SH3GL2: variants seen among roughly 807,000 people sequenced by gnomAD.
SH3GL2 encodes the protein endophilin-A1.
Under a neutral mutation model 46.0 loss-of-function variants are expected in SH3GL2, and 24 were observed. That is an observed-to-expected ratio of 0.52 (90% CI 0.38 to 0.73). The LOEUF is 0.73. SH3GL2 is among the 30% of genes least tolerant of loss of function. The pLI is 0.00. For synonymous variants in SH3GL2, 196 were observed against 147.1 expected, an observed-to-expected ratio of 1.33 and a Z score of -2.40; for missense variants, 413 against 424.2, an observed-to-expected ratio of 0.97 and a Z score of 0.23.
intron 1 of SH3GL2, among the ~76,000 whole-genome samples, chr9:17,632,753 T>C (rs1819460946): frequency 6.6e-6 from 1 of 152,192 alleles, no homozygotes; most frequent in South Asian, 2.1e-4. Context: ...CTTTTAGCTT[T>C]AGGGATGTTC....
intron 1 of SH3GL2, among the ~76,000 whole-genome samples, chr9:17,674,970 A>G (rs957043726): frequency 3.9e-5 from 6 of 152,196 alleles, no homozygotes; most frequent in Non-Finnish European, 7.3e-5. Flanking sequence ...TCATCTAGAT[A>G]GGAGGAGCCA....
At chr9:17,716,604 G>T (rs927086744) in intron 1 of SH3GL2, among the ~76,000 whole-genome samples, 5 of 152,128 alleles carry the variant, frequency 3.3e-5, no homozygotes, top group African/African-American at 1.2e-4. Flanking sequence ...TCTCAGTCTT[G>T]GTTAGTTTCC....
chr9:17,653,164 T>C (rs1819995051), intron 1 of SH3GL2, among the ~76,000 whole-genome samples: 1 of 152,196 alleles, frequency 6.6e-6, no homozygotes, highest in African/African-American at 2.4e-5. Flanking sequence ...ATTACTTTTC[T>C]ATCAGGCTTA....
At chr9:17,793,616 T>C in intron 8 of SH3GL2, 119 bp downstream of exon 8, 25 of 923,896 alleles carry the variant, frequency 2.7e-5, no homozygotes, top group Non-Finnish European at 3.7e-5. Context: ...AATACATTTC[T>C]TATGGAGTCA....
intron 1 of SH3GL2, among the ~76,000 whole-genome samples, chr9:17,697,951 G>C (rs969115370): frequency 6.6e-6 from 1 of 152,216 alleles, no homozygotes; most frequent in Non-Finnish European, 1.5e-5. Context: ...AATGGGCTAA[G>C]ATTTAGATGG....
chr9:17,663,090 C>G (rs1000457994), intron 1 of SH3GL2, among the ~76,000 whole-genome samples: 1 of 152,178 alleles, frequency 6.6e-6, no homozygotes, highest in South Asian at 2.1e-4. Context: ...TATCCTCAGG[C>G]TTTGGGTCTT....
intron 1 of SH3GL2, among the ~76,000 whole-genome samples, chr9:17,708,037 C>T (rs1457135897): frequency 6.6e-6 from 1 of 152,042 alleles, no homozygotes; most frequent in Non-Finnish European, 1.5e-5. Context: ...GATAATTCAG[C>T]AAGTCCTTAT....
intron 3 of SH3GL2, among the ~76,000 whole-genome samples, chr9:17,770,584 C>T (rs1274948564): frequency 6.6e-6 from 1 of 152,166 alleles, no homozygotes; most frequent in East Asian, 1.9e-4. Flanking sequence ...ACTCACCACT[C>T]CCTTGATAGT....
At chr9:17,690,780 A>G (rs1441775069) in intron 1 of SH3GL2, among the ~76,000 whole-genome samples, 1 of 152,034 alleles carries the variant, frequency 6.6e-6, no homozygotes, top group East Asian at 2.0e-4. Context: ...AGGCTGAAGA[A>G]CTCATAGTGG....
chr9:17,629,365 G>T (rs1209565284), intron 1 of SH3GL2, among the ~76,000 whole-genome samples: 1 of 152,186 alleles, frequency 6.6e-6, no homozygotes, highest in African/African-American at 2.4e-5. Context: ...TGCAGCTTGG[G>T]TGGATCCACC....
At chr9:17,750,877 A>T (rs893174182) in intron 2 of SH3GL2, among the ~76,000 whole-genome samples, 3 of 152,190 alleles carry the variant, frequency 2.0e-5, no homozygotes, top group South Asian at 2.1e-4. Context: ...TTTGATTTTT[A>T]AAAAATTGTA....
chr9:17,668,081 G>A (rs995138888), intron 1 of SH3GL2, among the ~76,000 whole-genome samples: 1 of 152,080 alleles, frequency 6.6e-6, no homozygotes. Flanking sequence ...CCCATTCTAT[G>A]GGTTGTCTTT....
chr9:17,757,133 A>G (rs1028206804), intron 2 of SH3GL2, among the ~76,000 whole-genome samples: 5 of 152,174 alleles, frequency 3.3e-5, no homozygotes, highest in African/African-American at 1.2e-4. Context: ...TCTTTTGAGA[A>G]GTGTCTGTTC....
intron 2 of SH3GL2, among the ~76,000 whole-genome samples, chr9:17,757,885 T>G (rs920906688): frequency 3.3e-5 from 5 of 152,162 alleles, no homozygotes; most frequent in Admixed American, 6.5e-5. Flanking sequence ...GCCAAGTGCA[T>G]AACAAGGCAC....
At position 17,726,126 on chromosome 9, in the gene SH3GL2, T is replaced by A. The variant is rs1490066985; in HGVS notation, c.46-20940T>A. 2.0e-5 allele frequency among the ~76,000 whole-genome samples: 3 copies of A among 152,300 alleles called. No individual in the cohort carries two copies. In the East Asian group the frequency reaches 5.8e-4, roughly 29 times the overall value. On this transcript the variant is annotated intron_variant, in intron 1 of 8. Transcript: ENST00000380607. Reference sequence around the variant, plus strand: ...AAACTTTAAATGTTTCTTTAGTTTGTTTTAAGTAATTTTCACCAGTTAAAT... The same window carrying A: ...AAACTTTAAATGTTTCTTTAGTTTGATTTAAGTAATTTTCACCAGTTAAAT...
intron 1 of SH3GL2, among the ~76,000 whole-genome samples, chr9:17,604,566 C>G (rs1205693013): frequency 6.6e-6 from 1 of 152,088 alleles, no homozygotes; most frequent in Non-Finnish European, 1.5e-5. Context: ...CTGTCCTTAG[C>G]CATGCTGCTT....
At chr9:17,635,289 C>A (rs755612160) in intron 1 of SH3GL2, among the ~76,000 whole-genome samples, 3 of 152,218 alleles carry the variant, frequency 2.0e-5, no homozygotes, top group Admixed American at 6.5e-5. Flanking sequence ...TCTCTAGCTT[C>A]ATCCATGTCC....
intron 1 of SH3GL2, among the ~76,000 whole-genome samples, chr9:17,649,375 A>G (rs1405895774): frequency 6.6e-6 from 1 of 152,192 alleles, no homozygotes; most frequent in Non-Finnish European, 1.5e-5. Context: ...CCTATCGCGT[A>G]CATTTTTAAA....
chr9:17,669,084 C>G (rs148455868), intron 1 of SH3GL2, among the ~76,000 whole-genome samples: 2 of 152,210 alleles, frequency 1.3e-5, no homozygotes, highest in East Asian at 1.9e-4. Flanking sequence ...TTATGTAATA[C>G]CATGATTTTT....
Sources: gnomAD v4.1 joint callset for allele counts (sites outside exome capture counted in the v4.1 genomes callset) on GRCh38, gnomAD v4.1.1 for gene constraint, MANE v1.5 for transcripts, NCBI Gene and HGNC (gene_info 2026-07-23, HGNC 2026-07-21) for gene names.